ARHGAP32: variants seen among roughly 807,000 people sequenced by gnomAD.
ARHGAP32 encodes the protein rho GTPase-activating protein 32.
ARHGAP32 carries 51 observed loss-of-function variants against 186.5 expected under a neutral mutation model. That is an observed-to-expected ratio of 0.27 (90% CI 0.22 to 0.35). The LOEUF (loss-of-function observed/expected upper bound fraction) is 0.35, where lower values mean the gene tolerates loss of function less well. ARHGAP32 is among the 10% of genes least tolerant of loss of function. The probability of loss-of-function intolerance (pLI) is 1.00; values close to 1 mark genes in which losing one functional copy is unlikely to be tolerated. For missense variants in ARHGAP32, 2,186 were observed against 2,623.5 expected, an observed-to-expected ratio of 0.83 and a Z score of 3.64; for synonymous variants, 950 against 964.3, an observed-to-expected ratio of 0.99 and a Z score of 0.27.
At chr11:129,184,759 A>G (rs574995425) in intron 1 of ARHGAP32, among the ~76,000 whole-genome samples, 2 of 152,114 alleles carry the variant, frequency 1.3e-5, no homozygotes, top group Non-Finnish European at 2.9e-5. Flanking sequence ...ACATAACAAT[A>G]AAAAAGAAAC....
chr11:129,133,099 G>A (rs547043346), intron 2 of ARHGAP32, among the ~76,000 whole-genome samples: 3 of 152,130 alleles, frequency 2.0e-5, no homozygotes, highest in Non-Finnish European at 2.9e-5. Context: ...AAGGAGGCAC[G>A]TCTTACATGT....
chr11:129,038,287 C>T (rs983012072), intron 11 of ARHGAP32, among the ~76,000 whole-genome samples: 1 of 151,840 alleles, frequency 6.6e-6, no homozygotes, highest in Non-Finnish European at 1.5e-5. Flanking sequence ...GAAGTTGGAC[C>T]CCTGCCTCAT....
At chr11:129,195,087 G>T (rs1455500208), upstream of ARHGAP32, among the ~76,000 whole-genome samples, 1 of 151,978 alleles carries the variant, frequency 6.6e-6, no homozygotes, top group Non-Finnish European at 1.5e-5. Flanking sequence ...TCCTGCCTCA[G>T]CCTCCCAAGC....
At chr11:129,076,123 C>A (rs975812387) in intron 6 of ARHGAP32, among the ~76,000 whole-genome samples, 1 of 152,144 alleles carries the variant, frequency 6.6e-6, no homozygotes, top group Admixed American at 6.5e-5. Flanking sequence ...CAACAGTTTA[C>A]AAATGAGATA....
Position 128,969,355 on chromosome 11 carries a change from T to C in ARHGAP32, c.5858A>G (p.His1953Arg), listed in dbSNP as rs1199414959. The stretch of plus-strand genomic sequence containing the variant: ...CTCTTTGGAGAGCCTTACCTCTTTG[T>C]GGTTCAGTCTTAAAGATTCTTGCCC... ...ASGQESLRLN[H>R]KEVRLSKEME... The change falls in exon 23 of 23, where the codon CAC (histidine) becomes CGC (arginine). Residue 1953 changes from histidine to arginine, a missense_variant. Transcript: ENST00000682385. This position sits in a 1 kb window ranked among gnomAD's most constrained non-coding sequence, Gnocchi z 4.8. The C allele has an allele frequency of 1.2e-6, 2 of 1,614,224 alleles. No homozygotes were observed. The highest frequency in any genetic ancestry group is 4.5e-5 in the East Asian group (2 of 44,878).
At chr11:129,029,729 G>C (rs2134955070) in intron 11 of ARHGAP32, among the ~76,000 whole-genome samples, 1 of 150,618 alleles carries the variant, frequency 6.6e-6, no homozygotes, top group South Asian at 2.1e-4. Context: ...GTGAACCCGG[G>C]AGGCGGAGCT....
intron 2 of ARHGAP32, among the ~76,000 whole-genome samples, chr11:129,157,932 C>T (rs1048091306): frequency 4.6e-5 from 7 of 151,764 alleles, no homozygotes; most frequent in Non-Finnish European, 8.8e-5. Flanking sequence ...ATTCAACATT[C>T]TAAAAAGAAT....
At chr11:129,259,170 T>C (rs1049167589) in intron 1 of ARHGAP32, among the ~76,000 whole-genome samples, 3 of 152,190 alleles carry the variant, frequency 2.0e-5, no homozygotes, top group Non-Finnish European at 4.4e-5. Flanking sequence ...CTTCATAATT[T>C]ATTAATCATG....
At chr11:129,238,838 A>T (rs560899711) in intron 1 of ARHGAP32, among the ~76,000 whole-genome samples, 45 of 145,318 alleles carry the variant, frequency 3.1e-4, no homozygotes, top group African/African-American at 9.7e-4. Flanking sequence ...TATTTTCACA[A>T]TAATAATTTT....
rs370349822 is a variant in ARHGAP32, at chr11:129,210,676, G to A, written c.-4-46249C>T. Among the ~76,000 whole-genome samples, 24 of 152,250 alleles carry A rather than the reference G, an allele frequency of 1.6e-4. No homozygotes were observed. The South Asian group carries it at 2.5e-3, about 16-fold the overall frequency. On this transcript the variant is annotated intron_variant, in intron 1 of 6. Transcript: ENST00000525234. Reference sequence around the variant, plus strand: ...CGATCTGCACAAGGACGTACTGGTGGAGCTTTGAGTCTGACTTCAGAGATT... The same window carrying A: ...CGATCTGCACAAGGACGTACTGGTGAAGCTTTGAGTCTGACTTCAGAGATT...
chr11:129,073,696 C>T (rs1286632671), intron 6 of ARHGAP32, among the ~76,000 whole-genome samples: 1 of 151,354 alleles, frequency 6.6e-6, no homozygotes, highest in African/African-American at 2.4e-5. Context: ...GACACCAAAT[C>T]ACCAGTCCTG....
intron 5 of ARHGAP32, among the ~76,000 whole-genome samples, chr11:129,098,883 C>T (rs1332438232): frequency 6.6e-6 from 1 of 152,086 alleles, no homozygotes; most frequent in African/African-American, 2.4e-5. Flanking sequence ...TAAATTTAAA[C>T]TGGCATAAAT....
At chr11:129,186,122 A>T (rs1362009703) in intron 1 of ARHGAP32, among the ~76,000 whole-genome samples, 1 of 152,172 alleles carries the variant, frequency 6.6e-6, no homozygotes, top group Non-Finnish European at 1.5e-5. Flanking sequence ...TATTTAAGAG[A>T]GTTCAGTGCC....
At chr11:129,013,507 C>T (rs780746311) in intron 11 of ARHGAP32, among the ~76,000 whole-genome samples, 17 of 152,154 alleles carry the variant, frequency 1.1e-4, no homozygotes, top group Non-Finnish European at 2.5e-4. Flanking sequence ...ATAGTTTCAG[C>T]GCTGCTGGTG....
chr11:129,052,054 C>T lies in ARHGAP32; in HGVS notation c.963+10226G>A, dbSNP rs182465587. Among the ~76,000 whole-genome samples, 417 of 148,654 alleles carry T rather than the reference C, an allele frequency of 2.8e-3. 5 individuals carry two copies. Among genetic ancestry groups the T allele is most frequent in the African/African-American group, 9.7e-3 (393 of 40,508 alleles). On this transcript the variant is annotated intron_variant, in intron 10 of 22. Coordinates refer to ENST00000682385, the MANE Select transcript of ARHGAP32 (RefSeq NM_001378024.1). ...TCTTCTTGAAGTTTTATAGTTTATA[C>T]TTTATAAACATTTAGGTATATTATC... is the stretch of plus-strand genomic sequence containing the variant.
intron 5 of ARHGAP32, among the ~76,000 whole-genome samples, chr11:129,110,757 T>C (rs1162992442): frequency 1.3e-5 from 2 of 152,188 alleles, no homozygotes. Flanking sequence ...TATAGAAATA[T>C]TACTGATTTT....
intron 6 of ARHGAP32, among the ~76,000 whole-genome samples, chr11:129,086,546 G>GCC (rs1565414987): frequency 1.3e-5 from 2 of 151,982 alleles, no homozygotes; most frequent in African/African-American, 4.8e-5. Context: ...TGATGGCCGG[G>GCC]CATGGTGGCT....
intron 10 of ARHGAP32, among the ~76,000 whole-genome samples, chr11:129,053,151 C>T (rs772584126): frequency 8.6e-5 from 13 of 151,950 alleles, no homozygotes; most frequent in African/African-American, 2.4e-4. Flanking sequence ...GTTTAAGCCT[C>T]GGTTGGTAAG....
rs555303042 is a variant in ARHGAP32, at chr11:129,008,710, A to G, written c.1046-10242T>C. 3.9e-3 allele frequency among the ~76,000 whole-genome samples: 590 copies of G among 152,312 alleles called. 2 individuals are homozygous for G. Among genetic ancestry groups the G allele is most frequent in the African/African-American group, 0.014 (564 of 41,570 alleles). On this transcript the variant is annotated intron_variant, in intron 11 of 22. Transcript: ENST00000682385. ...CCTGTTAAAACTTACTTGCAATCTC[A>G]ATATAATGTTGATGCTATCTCTGAC... is the stretch of plus-strand genomic sequence containing the variant.
Sources: gnomAD v4.1 joint callset for allele counts (sites outside exome capture counted in the v4.1 genomes callset) on GRCh38, gnomAD v4.1.1 for gene constraint, Gnocchi (gnomAD v3.1) non-coding constraint, MANE v1.5 for transcripts, NCBI Gene and HGNC (gene_info 2026-07-23, HGNC 2026-07-21) for gene names.